Variants in TSBP1 observed in about 807,000 individuals in gnomAD.
TSBP1 encodes testis-expressed basic protein 1.
TSBP1 carries 56 observed loss-of-function variants against 68.8 expected under a neutral mutation model. The ratio of observed to expected loss-of-function variants is 0.81; its 90% CI spans 0.66 to 1.02. The LOEUF (loss-of-function observed/expected upper bound fraction) is 1.02. Among genes scored for constraint, TSBP1 ranks in the 50% least tolerant of loss-of-function variants. The probability of loss-of-function intolerance (pLI) is 0.00; values close to 1 mark genes in which losing one functional copy is unlikely to be tolerated. For missense variants in TSBP1, 502 were observed against 641.2 expected, an observed-to-expected ratio of 0.78 and a Z score of 2.34; for synonymous variants, 171 against 208.7, an observed-to-expected ratio of 0.82 and a Z score of 1.56.
chr6:32,293,955 C>T (rs1322835992), exon 23 of TSBP1: 3 of 1,612,570 alleles, frequency 1.9e-6, no homozygotes, highest in East Asian at 4.5e-5. Context: ...TGAGACCTTG[C>T]AGTGCCTCCA....
intron 4 of TSBP1, among the ~76,000 whole-genome samples, chr6:32,367,059 G>GTGTGTGTGTGTGTA (rs1272392353): frequency 6.6e-6 from 1 of 151,744 alleles, no homozygotes; most frequent in Non-Finnish European, 1.5e-5. Context: ...TAGCGTGTGT[G>GTGTGTGTGTGTGTA]TGTGTGTGTG....
chr6:32,311,415 C>T (rs1766388969), intron 19 of TSBP1, among the ~76,000 whole-genome samples: 1 of 152,100 alleles, frequency 6.6e-6, no homozygotes, highest in African/African-American at 2.4e-5. Context: ...AGTAGGATCA[C>T]AAAGCTGAGG....
At chr6:32,370,407 G>GTGTGTGTGTATATATATATATATA (rs1241237254) in intron 1 of TSBP1, among the ~76,000 whole-genome samples, 3 of 130,688 alleles carry the variant, frequency 2.3e-5, no homozygotes, top group Non-Finnish European at 4.9e-5. Flanking sequence ...AAGATTTTCT[G>GTGTGTGTGTATATATATATATATA]TATATATATA....
Position 32,368,800 on chromosome 6 carries a change from TG to T in TSBP1, c.114del (p.Arg39AspfsTer48). 1 of 1,588,384 alleles carries T rather than the reference TG, an allele frequency of 6.3e-7. No individual in the cohort carries two copies. ...TACTTACTTTGTTCTGAACTGTATC[TG>T]GAGATATACATTTCTGTGGAAGAAT... On this transcript the variant is annotated frameshift_variant, in exon 3 of 23. Transcript: ENST00000612031. LOFTEE classifies it high-confidence loss of function.
intron 14 of TSBP1, among the ~76,000 whole-genome samples, chr6:32,332,374 C>T (rs543760366): frequency 1.3e-5 from 2 of 152,212 alleles, no homozygotes; most frequent in South Asian, 4.2e-4. Flanking sequence ...GAAACACTTC[C>T]TGTCAGTAAG....
At chr6:32,312,441 G>C (rs945879328) in intron 19 of TSBP1, among the ~76,000 whole-genome samples, 6 of 152,148 alleles carry the variant, frequency 3.9e-5, no homozygotes, top group African/African-American at 1.4e-4. Context: ...TTTTAAAGGG[G>C]ATGGCTTAAG....
intron 9 of TSBP1, among the ~76,000 whole-genome samples, chr6:32,347,144 T>C (rs1162506721): frequency 6.9e-6 from 1 of 145,784 alleles, no homozygotes; most frequent in Non-Finnish European, 1.5e-5. Flanking sequence ...TAAAAAACCA[T>C]GTCTCTTACA....
chr6:32,321,863 A>C lies in TSBP1; in HGVS notation c.559+1254T>G, dbSNP rs1378258160. Among the ~76,000 whole-genome samples the C allele has an allele frequency of 3.9e-5, 6 of 152,136 alleles. No homozygotes were observed. On this transcript the variant is annotated intron_variant, in intron 18 of 22. Coordinates refer to ENST00000612031, the Ensembl canonical transcript of TSBP1. The surrounding 1 kb of genome is among the most constrained non-coding windows in gnomAD (Gnocchi z 4.3). ...GTTTAAAACTTGGAAAATTTTACCT[A>C]CTATCTGGATTAAGTGAGATGCTTT...
At chr6:32,294,857 A>G (rs1764528880) in intron 22 of TSBP1, among the ~76,000 whole-genome samples, 1 of 151,864 alleles carries the variant, frequency 6.6e-6, no homozygotes, top group Non-Finnish European at 1.5e-5. Context: ...GGCTTCTGCT[A>G]GGTATTTTTT....
chr6:32,307,710 A>T, intron 19 of TSBP1, among the ~76,000 whole-genome samples: 1 of 150,894 alleles, frequency 6.6e-6, no homozygotes. Context: ...TAAGCTCACA[A>T]CTTTCACTTA....
rs186467048 is a variant in TSBP1 at position 32,350,993 on chromosome 6, C to T, written c.260-1164G>A. ...AACCTCCAGAAAGAATGCAGTCTTG[C>T]TGACAACCTGATTGTTGTCCAGGGA... On this transcript the variant is annotated intron_variant, in intron 8 of 22. Transcript: ENST00000612031. 7.2e-5 allele frequency among the ~76,000 whole-genome samples: 11 copies of T among 152,280 alleles called. No individual in the cohort carries two copies. The East Asian group carries it at 1.9e-3, about 27-fold the overall frequency.
intron 19 of TSBP1, among the ~76,000 whole-genome samples, chr6:32,309,991 G>C (rs559759061): frequency 4.3e-4 from 65 of 152,108 alleles, no homozygotes; most frequent in Non-Finnish European, 7.2e-4. Context: ...AATGAGTATG[G>C]ACATGTGAAG....
rs746001944 is a variant in TSBP1, at chr6:32,304,897, T to C, written c.581-2268A>G. On this transcript the variant is annotated intron_variant, in intron 19 of 22. Coordinates refer to ENST00000612031, the Ensembl canonical transcript of TSBP1. The surrounding 1 kb of genome is among the most constrained non-coding windows in gnomAD (Gnocchi z 4.8). The stretch of plus-strand genomic sequence containing the variant: ...TTTTACTTTTTTTCCTATTTCAGTC[T>C]CTAATCTCAAAATATCTGTTCTCTT... Among the ~76,000 whole-genome samples, 8 of 152,218 alleles carry C rather than the reference T, an allele frequency of 5.3e-5. No individual in the cohort carries two copies. The highest frequency in any genetic ancestry group is 1.2e-4 in the Non-Finnish European group (8 of 68,034).
chr6:32,297,614 G>T (rs567496865), intron 22 of TSBP1, among the ~76,000 whole-genome samples: 97 of 152,306 alleles, frequency 6.4e-4, no homozygotes, highest in African/African-American at 2.3e-3. Flanking sequence ...CTCAGGCTAT[G>T]AATTACATTT....
intron 6 of TSBP1, among the ~76,000 whole-genome samples, chr6:32,363,397 A>G (rs1171504083): frequency 1.3e-5 from 2 of 152,010 alleles, no homozygotes; most frequent in African/African-American, 2.4e-5. Context: ...TAAGGACTTA[A>G]TATAGTTATT....
rs768650243 is a variant in TSBP1 at position 32,323,593 on chromosome 6, C to CG, written c.535dup (p.Arg179ProfsTer43). ...GTAGAAAAAGAAATTGAACTTACCG[C>CG]GGGGTGCTGAAGGTGGACCAGCTGA... On this transcript the variant is annotated frameshift_variant, in exon 17 of 23. Coordinates refer to ENST00000612031, the Ensembl canonical transcript of TSBP1. LOFTEE classifies it high-confidence loss of function. 6.1e-5 allele frequency: 98 copies of CG among 1,612,114 alleles called. No homozygotes were observed. Among genetic ancestry groups the CG allele is most frequent in the Non-Finnish European group, 8.1e-5 (96 of 1,179,434 alleles).
intron 22 of TSBP1, among the ~76,000 whole-genome samples, chr6:32,298,693 C>T (rs958879423): frequency 6.6e-6 from 1 of 152,132 alleles, no homozygotes; most frequent in Admixed American, 6.5e-5. Context: ...GGCTTAAACA[C>T]GATTAAATAT....
Position 32,310,761 on chromosome 6 carries a change from A to ATATATAT in TSBP1, c.580+5010_580+5011insATATATA. 6.0e-3 allele frequency among the ~76,000 whole-genome samples: 868 copies of ATATATAT among 144,822 alleles called. 6 individuals carry two copies. The highest frequency in any genetic ancestry group is 0.019 in the African/African-American group (767 of 39,610). Reference sequence around the variant, plus strand: ...TATATATACATATATATATATATATATTTTTAATCTTTTTAGAAAGGATAG... The same window carrying ATATATAT: ...TATATATACATATATATATATATATATATATATTTTTTAATCTTTTTAGAAAGGATAG... On this transcript the variant is annotated intron_variant, in intron 19 of 22. Coordinates refer to ENST00000612031, the Ensembl canonical transcript of TSBP1.
At chr6:32,364,572 G>A (rs1004550322) in intron 6 of TSBP1, among the ~76,000 whole-genome samples, 1 of 151,090 alleles carries the variant, frequency 6.6e-6, no homozygotes, top group Non-Finnish European at 1.5e-5. Flanking sequence ...AATTTGTATG[G>A]CTCTGTTTTG....
Sources: gnomAD v4.1 joint callset for allele counts (sites outside exome capture counted in the v4.1 genomes callset) on GRCh38, gnomAD v4.1.1 for gene constraint, Gnocchi (gnomAD v3.1) non-coding constraint, MANE v1.5 for transcripts, NCBI Gene and HGNC (gene_info 2026-07-23, HGNC 2026-07-21) for gene names.